The following NAV1 variants were observed in gnomAD, a reference collection of about 807,000 sequenced individuals.
NAV1 encodes the protein pore membrane and/or filament interacting like protein 3.
A neutral mutation model predicts 175.2 loss-of-function variants in NAV1; 18 were observed. The observed-to-expected ratio is 0.10, with a 90% CI of 0.07 to 0.15. The LOEUF (loss-of-function observed/expected upper bound fraction) is 0.15. NAV1 is among the 10% of genes least tolerant of loss of function. The pLI, the probability that NAV1 is intolerant of heterozygous loss-of-function variation, is 1.00. For missense variants in NAV1, 1,731 were observed against 2,436.6 expected (o/e 0.71, Z 6.10); for synonymous variants, 897 against 978.7 (o/e 0.92, Z 1.56).
chr1:201,738,538 GGCA>G (rs1673214784), intron 3 of NAV1, among the ~76,000 whole-genome samples: 1 of 152,072 alleles, frequency 6.6e-6, no homozygotes, highest in African/African-American at 2.4e-5. Flanking sequence ...AAATAGTAGG[GGCA>G]GCCTGCATTG....
intron 8 of NAV1, 35 bp downstream of exon 12, chr1:201,785,386 T>TGGGA: frequency 6.3e-7 from 1 of 1,594,382 alleles, no homozygotes; most frequent in Non-Finnish European, 8.6e-7. Flanking sequence ...TCCCTATAAA[T>TGGGA]GGGACTGCTG....
At chr1:201,759,372 T>C (rs1246669329) in intron 3 of NAV1, among the ~76,000 whole-genome samples, 1 of 152,194 alleles carries the variant, frequency 6.6e-6, no homozygotes, top group East Asian at 1.9e-4. Flanking sequence ...GAGCTAGATA[T>C]TGCATCAACT....
intron 1 of NAV1, among the ~76,000 whole-genome samples, chr1:201,543,641 C>T (rs1665582042): frequency 6.6e-6 from 1 of 152,080 alleles, no homozygotes; most frequent in Non-Finnish European, 1.5e-5. Context: ...GTACTTTAAA[C>T]ATCTAACAAT....
chr1:201,611,127 C>T (rs1406317280), intron 2 of NAV1, among the ~76,000 whole-genome samples: 5 of 152,218 alleles, frequency 3.3e-5, no homozygotes, highest in African/African-American at 1.2e-4. Flanking sequence ...AGGCTCTGCC[C>T]ACTCTGCCCA....
rs75773737 is a variant in NAV1, at chr1:201,716,233, CCT to C, written c.861-2156_861-2155del. 2.1e-3 allele frequency among the ~76,000 whole-genome samples: 314 copies of C among 152,302 alleles called. 2 individuals are homozygous for C. In the East Asian group the frequency reaches 0.036, roughly 18 times the overall value. ...ATGGTTAGCATCATCCTCTTCCTCC[CCT>C]GTCTCATCCCATGGTCAAGGTCAGC... On this transcript the variant is annotated intron_variant, in intron 2 of 29. Transcript: ENST00000367296.
intron 3 of NAV1, among the ~76,000 whole-genome samples, chr1:201,779,012 C>A (rs919560099): frequency 1.3e-5 from 2 of 152,194 alleles, no homozygotes; most frequent in East Asian, 3.8e-4. Flanking sequence ...AACAAATACT[C>A]ATGTATAGCA....
chr1:201,818,174 A>C (rs1031360397), intron 29 of NAV1, among the ~76,000 whole-genome samples: 2 of 152,152 alleles, frequency 1.3e-5, no homozygotes, highest in African/African-American at 4.8e-5. Flanking sequence ...GGCTACAGTG[A>C]GCCGTGATTA....
chr1:201,646,283 C>T (rs139992387), upstream of NAV1, among the ~76,000 whole-genome samples: 113 of 152,342 alleles, frequency 7.4e-4, no homozygotes, highest in African/African-American at 2.6e-3. Flanking sequence ...CGACATAAGC[C>T]TCTGAAGCCA....
chr1:201,549,142 TCTTC>T (rs1665768548), intron 1 of NAV1, among the ~76,000 whole-genome samples: 1 of 130,568 alleles, frequency 7.7e-6, no homozygotes, highest in African/African-American at 2.7e-5. Context: ...TTTCTTTCTT[TCTTC>T]TTTCTCTCTC....
intron 3 of NAV1, among the ~76,000 whole-genome samples, chr1:201,763,899 T>A (rs1571468326): frequency 6.6e-6 from 1 of 152,264 alleles, no homozygotes; most frequent in South Asian, 2.1e-4. Context: ...TTGTGTATCA[T>A]GTCATTACAG....
chr1:201,799,061 AG>A (rs1677659972), intron 15 of NAV1, among the ~76,000 whole-genome samples: 1 of 152,046 alleles, frequency 6.6e-6, no homozygotes, highest in South Asian at 2.1e-4. Context: ...ATTCTTAGAA[AG>A]TACATCCATC....
intron 7 of NAV1, among the ~76,000 whole-genome samples, chr1:201,784,578 T>TG (rs111919763): frequency 1.3e-5 from 2 of 151,348 alleles, no homozygotes; most frequent in Non-Finnish European, 3.0e-5. Flanking sequence ...TATTTTTTTT[T>TG]TTTTTTTGAG....
chr1:201,767,628 A>G (rs1006943262), intron 3 of NAV1, among the ~76,000 whole-genome samples: 3 of 152,138 alleles, frequency 2.0e-5, no homozygotes, highest in African/African-American at 7.2e-5. Context: ...CCACATCTCA[A>G]TTGGGACTAG....
chr1:201,667,339 T>G (rs1669863874), intron 1 of NAV1, among the ~76,000 whole-genome samples: 1 of 152,222 alleles, frequency 6.6e-6, no homozygotes, highest in South Asian at 2.1e-4. Flanking sequence ...GGCTAAGTGC[T>G]GTTCCCACCC....
chr1:201,719,533 G>C (rs1227173401), intron 3 of NAV1: 1 of 150,922 alleles, frequency 6.6e-6, no homozygotes, highest in East Asian at 2.2e-4. Flanking sequence ...CAAGCCCCCA[G>C]CACTTCATTC....
chr1:201,820,149 C>A (rs1427787810), exon 30 of NAV1: 6 of 519,684 alleles, frequency 1.2e-5, no homozygotes, highest in African/African-American at 1.9e-5. Context: ...GAACTTGTGC[C>A]CCCTAAACAC....
intron 1 of NAV1, among the ~76,000 whole-genome samples, chr1:201,571,610 C>T (rs768016206): frequency 3.3e-5 from 5 of 152,178 alleles, no homozygotes; most frequent in African/African-American, 4.8e-5. Context: ...CTATGGGTGC[C>T]CAGCAGAACT....
At chr1:201,550,083 G>A (rs75791222) in intron 1 of NAV1, among the ~76,000 whole-genome samples, 11,813 of 149,184 alleles carry the variant, frequency 0.079, 1,192 homozygotes, top group East Asian at 0.41. Flanking sequence ...GCTCCAGGAC[G>A]CAGCATGCCC....
Position 201,648,624 on chromosome 1 carries a change from G to GT in NAV1, c.-44dup. 8.1e-7 allele frequency: 1 copy of GT among 1,227,604 alleles called. No individual in the cohort carries two copies. The highest frequency in any genetic ancestry group is 1.0e-6 in the Non-Finnish European group (1 of 977,452). The allele number at this position is 1,227,604 out of a possible 1,614,324, so 76.0% of individuals were successfully genotyped here. ...CTCCCGCCCCCTGCCCCCTCCCCCCGTGCCTGCAGACGCGCGGATCGTCCA... is the reference window on the plus strand; with the variant it reads ...CTCCCGCCCCCTGCCCCCTCCCCCCGTTGCCTGCAGACGCGCGGATCGTCCA... On this transcript the variant is annotated 5_prime_UTR_variant, in exon 1 of 30. Transcript: ENST00000367296.
Sources: gnomAD v4.1 joint callset for allele counts (sites outside exome capture counted in the v4.1 genomes callset) on GRCh38, gnomAD v4.1.1 for gene constraint, MANE v1.5 for transcripts, NCBI Gene and HGNC (gene_info 2026-07-23, HGNC 2026-07-21) for gene names.